Variants in NME7 observed in about 807,000 individuals in gnomAD.
The protein encoded by NME7 is NME/NM23 family member 7.
NME7 carries 41 observed loss-of-function variants against 49.1 expected under a neutral mutation model. The ratio of observed to expected loss-of-function variants is 0.83; its 90% confidence interval spans 0.65 to 1.08. The LOEUF is 1.08. NME7 is among the 50% of genes least tolerant of loss of function. The pLI, the probability that NME7 is intolerant of heterozygous loss-of-function variation, is 0.00. For synonymous variants in NME7, 139 were observed against 150.6 expected (o/e 0.92, Z 0.56); for missense variants, 423 against 463.4 (o/e 0.91, Z 0.80).
At chr1:169,342,839 TATATATATAGTATATATATATACAAGTAC>T (rs1557831625) in intron 1 of NME7, among the ~76,000 whole-genome samples, 1 of 47,966 alleles carries the variant, frequency 2.1e-5, no homozygotes, top group Non-Finnish European at 3.9e-5. Flanking sequence ...TACAAGTACA[TATATATATAGTATATATATATACAAGTAC>T]ATATATATAG....
chr1:169,367,616 C>G (rs2101998856), intron 1 of NME7, 92 bp downstream of exon 1: 2 of 1,447,142 alleles, frequency 1.4e-6, no homozygotes, highest in Middle Eastern at 1.7e-4. Context: ...TCGGGAGGAC[C>G]GGACAACTTT....
chr1:169,313,433 G>A (rs757510243), intron 3 of NME7, among the ~76,000 whole-genome samples: 4 of 152,086 alleles, frequency 2.6e-5, no homozygotes, highest in Non-Finnish European at 5.9e-5. Flanking sequence ...GGCAATACAA[G>A]TTCACATCAT....
chr1:169,334,910 T>C (rs1021428073), intron 1 of NME7, among the ~76,000 whole-genome samples: 1 of 152,036 alleles, frequency 6.6e-6, no homozygotes, highest in Non-Finnish European at 1.5e-5. Flanking sequence ...GCAAAGGATA[T>C]GAACAGACAC....
chr1:169,342,962 TATATATATACAAGTAC>T (rs927448586), intron 1 of NME7, among the ~76,000 whole-genome samples: 4 of 98,942 alleles, frequency 4.0e-5, no homozygotes, highest in African/African-American at 1.3e-4. Context: ...AGTATATATA[TATATATATACAAGTAC>T]ATATATATAC....
rs1227680310 is a variant in NME7, at chr1:169,305,657, T to A, written c.390-2462A>T. Among the ~76,000 whole-genome samples the A allele has an allele frequency of 3.3e-5, 5 of 152,206 alleles. No individual in the cohort carries two copies. In the East Asian group the frequency reaches 9.6e-4, roughly 29 times the overall value. On this transcript the variant is annotated intron_variant, in intron 4 of 11. Coordinates refer to ENST00000367811, the MANE Select transcript of NME7 (RefSeq NM_013330.5). ...CTTCAGTATAAAGAGTAGGCTTGTT[T>A]ATTGCTTGCTAATGGAACAGCTGGT...
At chr1:169,150,583 C>T (rs932787346) in intron 11 of NME7, among the ~76,000 whole-genome samples, 1 of 152,074 alleles carries the variant, frequency 6.6e-6, no homozygotes, top group Non-Finnish European at 1.5e-5. Flanking sequence ...TTTTAATAAA[C>T]AGTAGGCAAA....
intron 10 of NME7, among the ~76,000 whole-genome samples, chr1:169,189,123 T>C (rs992932887): frequency 6.6e-6 from 1 of 152,192 alleles, no homozygotes; most frequent in African/African-American, 2.4e-5. Context: ...TTTTATTATA[T>C]TGCATAAATT....
intron 7 of NME7, among the ~76,000 whole-genome samples, chr1:169,258,264 T>A (rs1168821552): frequency 8.0e-6 from 1 of 125,706 alleles, no homozygotes; most frequent in East Asian, 2.0e-4. Context: ...ATCACTTGAC[T>A]GCAGGAGGTT....
chr1:169,202,277 T>C (rs989774918), intron 10 of NME7, among the ~76,000 whole-genome samples: 6 of 149,018 alleles, frequency 4.0e-5, no homozygotes, highest in Non-Finnish European at 7.4e-5. Context: ...GCCATCCCTT[T>C]GGTGATAAGT....
At chr1:169,299,208 T>A (rs1480393129) in intron 5 of NME7, among the ~76,000 whole-genome samples, 1 of 152,094 alleles carries the variant, frequency 6.6e-6, no homozygotes. Flanking sequence ...TGTGTAAAAC[T>A]ATTAGAATTC....
chr1:169,242,540 C>T (rs528933784), intron 7 of NME7, among the ~76,000 whole-genome samples: 1 of 151,868 alleles, frequency 6.6e-6, no homozygotes, highest in South Asian at 2.1e-4. Flanking sequence ...TCTCATTGCT[C>T]TGATTCAACA....
intron 10 of NME7, among the ~76,000 whole-genome samples, chr1:169,226,947 G>A (rs958344640): frequency 7.2e-5 from 11 of 152,006 alleles, no homozygotes; most frequent in Admixed American, 5.9e-4. Flanking sequence ...TACTTAATGA[G>A]ACAAGATTCA....
intron 3 of NME7, among the ~76,000 whole-genome samples, chr1:169,320,604 C>T (rs1454209311): frequency 2.6e-5 from 4 of 152,110 alleles, no homozygotes; most frequent in African/African-American, 9.7e-5. Flanking sequence ...TACTTTTTGC[C>T]ATTTAAATAA....
intron 11 of NME7, among the ~76,000 whole-genome samples, chr1:169,157,072 C>T (rs1659098117): frequency 6.6e-6 from 1 of 152,064 alleles, no homozygotes; most frequent in South Asian, 2.1e-4. Context: ...AATAATTGTT[C>T]ACATTTTTGG....
intron 1 of NME7, among the ~76,000 whole-genome samples, chr1:169,353,502 G>C (rs1370859698): frequency 2.6e-5 from 4 of 151,972 alleles, no homozygotes; most frequent in Admixed American, 6.6e-5. Context: ...AAAATTTCTT[G>C]ACCACCACCA....
At chr1:169,330,116 G>C (rs891923272) in intron 1 of NME7, among the ~76,000 whole-genome samples, 3 of 152,106 alleles carry the variant, frequency 2.0e-5, no homozygotes, top group African/African-American at 7.2e-5. Context: ...AAACATCAAG[G>C]AGAAATAAAG....
At chr1:169,230,648 A>C in intron 10 of NME7, 70 bp downstream of exon 10, 1 of 1,014,602 alleles carries the variant, frequency 9.9e-7, no homozygotes, top group Non-Finnish European at 1.4e-6. Context: ...GAACAAACGA[A>C]AAATTTTAAA....
intron 7 of NME7, among the ~76,000 whole-genome samples, chr1:169,248,391 G>A (rs1236066337): frequency 6.6e-6 from 1 of 152,004 alleles, no homozygotes; most frequent in Admixed American, 6.6e-5. Flanking sequence ...TTTGCTAGAT[G>A]TATAGTTTGC....
At chr1:169,190,892 A>C (rs1660206526) in intron 10 of NME7, among the ~76,000 whole-genome samples, 1 of 55,172 alleles carries the variant, frequency 1.8e-5, no homozygotes, top group African/African-American at 5.5e-5. Flanking sequence ...GGCTCACTGC[A>C]AGCTCCGCCT....
Sources: allele counts gnomAD v4.1 joint callset (sites outside exome capture counted in the v4.1 genomes callset), GRCh38; gene constraint gnomAD v4.1.1; transcripts MANE v1.5; gene names NCBI Gene and HGNC (gene_info 2026-07-23, HGNC 2026-07-21).